The following IMMP2L variants were observed in gnomAD, a reference collection of about 807,000 sequenced individuals.
IMMP2L encodes the protein inner mitochondrial membrane peptidase subunit 2.
A neutral mutation model predicts 19.3 loss-of-function variants in IMMP2L; 18 were observed. The ratio of observed to expected loss-of-function variants is 0.93; its 90% CI spans 0.64 to 1.38. IMMP2L has a LOEUF of 1.38. Ranked by LOEUF, IMMP2L falls within the 40% of genes most tolerant of loss-of-function variation. The pLI is 0.00. For synonymous variants in IMMP2L, 76 were observed against 73.0 expected, an observed-to-expected ratio of 1.04 and a Z score of -0.21; for missense variants, 233 against 218.2, an observed-to-expected ratio of 1.07 and a Z score of -0.43.
intron 3 of IMMP2L, among the ~76,000 whole-genome samples, chr7:111,086,847 G>C (rs1039969413): frequency 6.6e-6 from 1 of 152,114 alleles, no homozygotes; most frequent in Non-Finnish European, 1.5e-5. Context: ...CATCAAACCT[G>C]AACAACCACT....
chr7:111,198,078 A>T (rs1208288345), intron 3 of IMMP2L, among the ~76,000 whole-genome samples: 1 of 152,200 alleles, frequency 6.6e-6, no homozygotes, highest in East Asian at 1.9e-4. Context: ...CTTTTTCACC[A>T]AGGATTCCAA....
intron 3 of IMMP2L, among the ~76,000 whole-genome samples, chr7:111,152,255 G>C (rs2129603353): frequency 6.6e-6 from 1 of 152,174 alleles, no homozygotes; most frequent in South Asian, 2.1e-4. Context: ...TGAATTTGAA[G>C]TTTTCAATGC....
chr7:111,239,349 T>G (rs1404033985), intron 3 of IMMP2L, among the ~76,000 whole-genome samples: 2 of 151,894 alleles, frequency 1.3e-5, no homozygotes, highest in Non-Finnish European at 2.9e-5. Flanking sequence ...TTCAACAAAG[T>G]CTATTCAAAC....
At chr7:111,506,838 G>A (rs1270223260) in intron 2 of IMMP2L, among the ~76,000 whole-genome samples, 1 of 151,688 alleles carries the variant, frequency 6.6e-6, no homozygotes. Flanking sequence ...GGTTTTTTTT[G>A]TTTTTGCTTT....
chr7:110,721,591 A>C (rs1347467318), intron 5 of IMMP2L, among the ~76,000 whole-genome samples: 1 of 152,144 alleles, frequency 6.6e-6, no homozygotes, highest in African/African-American at 2.4e-5. Context: ...ACACAATTCT[A>C]AAATATGCTG....
intron 5 of IMMP2L, among the ~76,000 whole-genome samples, chr7:110,725,539 T>C (rs1195574618): frequency 1.3e-5 from 2 of 152,210 alleles, no homozygotes; most frequent in African/African-American, 2.4e-5. Flanking sequence ...ATATTCATTT[T>C]TAGATTTGAA....
intron 3 of IMMP2L, among the ~76,000 whole-genome samples, chr7:111,202,098 T>C (rs1365402813): frequency 6.6e-6 from 1 of 152,202 alleles, no homozygotes; most frequent in Non-Finnish European, 1.5e-5. Context: ...AACAGGTTCC[T>C]AGTGTTGTAA....
At chr7:111,518,450 T>C (rs1846057497) in intron 2 of IMMP2L, among the ~76,000 whole-genome samples, 1 of 152,100 alleles carries the variant, frequency 6.6e-6, no homozygotes, top group Non-Finnish European at 1.5e-5. Flanking sequence ...AAGAGTGGCT[T>C]TTCCCAGAGT....
intron 3 of IMMP2L, among the ~76,000 whole-genome samples, chr7:110,979,246 G>A (rs539700442): frequency 3.3e-5 from 5 of 151,906 alleles, no homozygotes; most frequent in East Asian, 1.9e-4. Flanking sequence ...TCTGGCTATC[G>A]CTACAAATTT....
At chr7:111,337,525 G>A (rs1349878333) in intron 3 of IMMP2L, among the ~76,000 whole-genome samples, 1 of 151,994 alleles carries the variant, frequency 6.6e-6, no homozygotes, top group East Asian at 1.9e-4. Context: ...ATGGGCAGAT[G>A]GATGGACAGT....
chr7:110,843,223 G>T (rs981267709), intron 5 of IMMP2L, among the ~76,000 whole-genome samples: 3 of 152,122 alleles, frequency 2.0e-5, no homozygotes, highest in Admixed American at 2.0e-4. Context: ...ACTGCCCACT[G>T]CCAATTATCT....
intron 5 of IMMP2L, among the ~76,000 whole-genome samples, chr7:110,786,241 T>C (rs1270432748): frequency 6.6e-6 from 1 of 151,990 alleles, no homozygotes; most frequent in Admixed American, 6.6e-5. Context: ...CATAGTTACT[T>C]GAATCTCAAT....
intron 3 of IMMP2L, among the ~76,000 whole-genome samples, chr7:111,454,350 A>C (rs1839494593): frequency 6.6e-6 from 1 of 152,110 alleles, no homozygotes; most frequent in African/African-American, 2.4e-5. Context: ...ATAAAGTTAA[A>C]ATTTTTTATT....
rs376997374 is a variant in IMMP2L at position 111,519,095 on chromosome 7, T to A, written c.135+2218A>T. ...GGGCATGTGACCCAAGCTGAATACA[T>A]CACAGTCCTTCCCCAAGATATTCCA... On this transcript the variant is annotated intron_variant, in intron 2 of 5. Coordinates refer to ENST00000405709, the MANE Select transcript of IMMP2L (RefSeq NM_032549.4). Among the ~76,000 whole-genome samples, 11 of 152,248 alleles carry A rather than the reference T, an allele frequency of 7.2e-5. No homozygotes were observed. In the East Asian group the frequency reaches 1.5e-3, roughly 21 times the overall value.
chr7:111,054,660 T>A (rs137944769), intron 3 of IMMP2L, among the ~76,000 whole-genome samples: 73 of 152,288 alleles, frequency 4.8e-4, no homozygotes, highest in Non-Finnish European at 9.4e-4. Context: ...TTCTTCAGTA[T>A]GGAAAATATG....
At chr7:110,854,543 A>T (rs954834127) in intron 5 of IMMP2L, among the ~76,000 whole-genome samples, 3 of 151,978 alleles carry the variant, frequency 2.0e-5, no homozygotes, top group Non-Finnish European at 4.4e-5. Context: ...CACTTAAAAC[A>T]TTACTGAATA....
chr7:111,140,227 T>C (rs1288357145), intron 3 of IMMP2L, among the ~76,000 whole-genome samples: 1 of 152,158 alleles, frequency 6.6e-6, no homozygotes, highest in Admixed American at 6.6e-5. Flanking sequence ...CTGTCTACTT[T>C]AAGTATTAGC....
In IMMP2L at chr7:111,448,066, G is replaced by T. The variant is rs1316669080; in HGVS notation, c.239+39172C>A. On this transcript the variant is annotated intron_variant, in intron 3 of 5. Coordinates refer to ENST00000405709, the MANE Select transcript of IMMP2L (RefSeq NM_032549.4). ...CACCCAGATTCATAAAGCAAGTCGT[G>T]AGTGACCTACAAAGAGACTTAGACT... Among the ~76,000 whole-genome samples the T allele has an allele frequency of 2.6e-4, 38 of 144,358 alleles. No individual in the cohort carries two copies. In the East Asian group the frequency reaches 6.3e-3, roughly 24 times the overall value. The allele number at this position is 144,358 out of a possible 152,430, so 94.7% of individuals were successfully genotyped here.
intron 3 of IMMP2L, among the ~76,000 whole-genome samples, chr7:111,064,637 T>G (rs1794325115): frequency 6.6e-6 from 1 of 152,126 alleles, no homozygotes; most frequent in African/African-American, 2.4e-5. Context: ...GCTGCCCTAC[T>G]GGTCTTAAAT....
Sources: gnomAD v4.1 joint callset for allele counts (sites outside exome capture counted in the v4.1 genomes callset) on GRCh38, gnomAD v4.1.1 for gene constraint, MANE v1.5 for transcripts, NCBI Gene and HGNC (gene_info 2026-07-23, HGNC 2026-07-21) for gene names.